AGAP1: variants seen among roughly 807,000 people sequenced by gnomAD.
The protein encoded by AGAP1 is arf-GAP with GTPase, ANK repeat and PH domain-containing protein 1.
Under a neutral mutation model 105.3 loss-of-function variants are expected in AGAP1, and 29 were observed. That is an observed-to-expected ratio of 0.28 (90% confidence interval 0.21 to 0.38). AGAP1 has a LOEUF of 0.38. Among genes scored for constraint, AGAP1 ranks in the 10% least tolerant of loss-of-function variants. The pLI is 1.00. For missense variants in AGAP1, 998 were observed against 1,165.1 expected, an observed-to-expected ratio of 0.86 and a Z score of 2.09; for synonymous variants, 509 against 485.9, an observed-to-expected ratio of 1.05 and a Z score of -0.63.
chr2:235,948,390 G>T (rs761897068), intron 12 of AGAP1, among the ~76,000 whole-genome samples: 1 of 152,136 alleles, frequency 6.6e-6, no homozygotes, highest in Non-Finnish European at 1.5e-5. Flanking sequence ...TCACCATCGT[G>T]CCCTGGCTGG....
Position 236,079,575 on chromosome 2 carries a change from T to C in AGAP1, c.2114+30294T>C, listed in dbSNP as rs549229052. On this transcript the variant is annotated intron_variant, in intron 16 of 17. Transcript: ENST00000304032. ...ATATACACACACACACACACATACA[T>C]ACACACACACATATACATATACATA... Among the ~76,000 whole-genome samples the C allele has an allele frequency of 8.0e-5, 12 of 150,208 alleles. 1 individual carries two copies. Among genetic ancestry groups the C allele is most frequent in the Admixed American group, 4.0e-4 (6 of 15,050 alleles).
intron 1 of AGAP1, among the ~76,000 whole-genome samples, chr2:235,584,193 CTTTTT>C (rs11447483): frequency 1.4e-5 from 2 of 139,984 alleles, no homozygotes; most frequent in Admixed American, 7.2e-5. Context: ...CAATAAACCA[CTTTTT>C]TTTTTTTTTT....
chr2:235,781,324 T>G (rs1956248965), intron 6 of AGAP1, among the ~76,000 whole-genome samples: 3 of 152,236 alleles, frequency 2.0e-5, no homozygotes, highest in Admixed American at 2.0e-4. Context: ...GACATTCATA[T>G]CCCTTGGATT....
Position 235,566,977 on chromosome 2 carries a change from C to T in AGAP1, c.163+72128C>T, listed in dbSNP as rs1944366972. On this transcript the variant is annotated intron_variant, in intron 1 of 17. Coordinates refer to ENST00000304032, the MANE Select transcript of AGAP1 (RefSeq NM_001037131.3). This position sits in a 1 kb window ranked among gnomAD's most constrained non-coding sequence, Gnocchi z 5.2. ...CAATCCTTGGTGTCCCATCCAGCTG[C>T]ATCACTCCAGTCTCTGCTTCTGTTA... Among the ~76,000 whole-genome samples, 1 of 152,226 alleles carries T rather than the reference C, an allele frequency of 6.6e-6. No individual in the cohort carries two copies. Among genetic ancestry groups the T allele is most frequent in the Non-Finnish European group, 1.5e-5 (1 of 68,044 alleles).
intron 12 of AGAP1, among the ~76,000 whole-genome samples, chr2:235,939,648 C>G (rs2053165770): frequency 6.6e-6 from 1 of 152,202 alleles, no homozygotes; most frequent in South Asian, 2.1e-4. Flanking sequence ...CCCTCCAACA[C>G]TGCTCTCATC....
chr2:235,618,352 C>T lies in AGAP1; in HGVS notation c.164-90827C>T, dbSNP rs896642158. Among the ~76,000 whole-genome samples the T allele has an allele frequency of 7.9e-5, 12 of 152,126 alleles. No homozygotes were observed. The South Asian group carries it at 1.0e-3, about 13-fold the overall frequency. ...GGTTTTCCTTGGCCTTCATCCTACT[C>T]TACAGAGTGAATGTGACTAGGTTCT... On this transcript the variant is annotated intron_variant, in intron 1 of 17. Transcript: ENST00000304032.
chr2:235,858,202 A>C (rs1298040639), intron 9 of AGAP1, among the ~76,000 whole-genome samples: 2 of 152,230 alleles, frequency 1.3e-5, no homozygotes, highest in Admixed American at 1.3e-4. Context: ...TAATTCAGTA[A>C]ATTTTTCTTT....
Position 235,970,484 on chromosome 2 carries a change from C to G in AGAP1, c.1645+1861C>G, listed in dbSNP as rs764213585. On this transcript the variant is annotated intron_variant, in intron 13 of 17. Transcript: ENST00000304032. The surrounding 1 kb of genome is among the most constrained non-coding windows in gnomAD (Gnocchi z 5.4). ...TCCCCCAGGGTGGGCAGCCTGTACC[C>G]TCCACGCCCCTAAGGTGCACACACA... Among the ~76,000 whole-genome samples the G allele has an allele frequency of 6.6e-6, 1 of 152,318 alleles. No homozygotes were observed. The highest frequency in any genetic ancestry group is 1.5e-5 in the Non-Finnish European group (1 of 68,034).
intron 9 of AGAP1, among the ~76,000 whole-genome samples, chr2:235,851,672 C>A (rs762052205): frequency 7.9e-5 from 12 of 152,164 alleles, no homozygotes; most frequent in Admixed American, 4.6e-4. Flanking sequence ...CCCGGAAATA[C>A]AAGTGCAAGT....
intron 1 of AGAP1, among the ~76,000 whole-genome samples, chr2:235,638,223 C>T (rs755048220): frequency 3.9e-5 from 6 of 152,150 alleles, no homozygotes; most frequent in Non-Finnish European, 7.3e-5. Context: ...ATACTCCTCC[C>T]ATCTGCCTGG....
chr2:235,597,533 C>T (rs965382814), intron 1 of AGAP1, among the ~76,000 whole-genome samples: 1 of 152,194 alleles, frequency 6.6e-6, no homozygotes, highest in Non-Finnish European at 1.5e-5. Context: ...AAATAACTGT[C>T]CAGACTGCTT....
chr2:235,577,398 C>T lies in AGAP1; in HGVS notation c.163+82549C>T, dbSNP rs1944769179. The stretch of plus-strand genomic sequence containing the variant: ...GGAGCTACTGTATTGGGCACCACGG[C>T]CTTAGGGTTTTGATTAAAACCCCAT... On this transcript the variant is annotated intron_variant, in intron 1 of 17. Transcript: ENST00000304032. This position sits in a 1 kb window ranked among gnomAD's most constrained non-coding sequence, Gnocchi z 4.5. Among the ~76,000 whole-genome samples, 1 of 152,160 alleles carries T rather than the reference C, an allele frequency of 6.6e-6. No homozygotes were observed. The highest frequency in any genetic ancestry group is 6.5e-5 in the Admixed American group (1 of 15,276).
At chr2:235,796,461 A>C (rs1210710424) in intron 6 of AGAP1, among the ~76,000 whole-genome samples, 1 of 152,038 alleles carries the variant, frequency 6.6e-6, no homozygotes. Flanking sequence ...TCAATACACT[A>C]CCGGAAGATA....
Position 235,970,647 on chromosome 2 carries a change from G to A in AGAP1, c.1645+2024G>A, listed in dbSNP as rs2054604488. 6.6e-6 allele frequency among the ~76,000 whole-genome samples: 1 copy of A among 152,204 alleles called. No homozygotes were observed. The highest frequency in any genetic ancestry group is 1.9e-4 in the East Asian group (1 of 5,204). On this transcript the variant is annotated intron_variant, in intron 13 of 17. Coordinates refer to ENST00000304032, the MANE Select transcript of AGAP1 (RefSeq NM_001037131.3). The surrounding 1 kb of genome is among the most constrained non-coding windows in gnomAD (Gnocchi z 5.4). ...CACAACCTGGTGGGAACTGACCGTTGCCACTTAGATACACGTTCATTATCC... is the reference window on the plus strand; with the variant it reads ...CACAACCTGGTGGGAACTGACCGTTACCACTTAGATACACGTTCATTATCC...
chr2:235,641,479 A>G (rs369024849), intron 1 of AGAP1, among the ~76,000 whole-genome samples: 2 of 151,290 alleles, frequency 1.3e-5, no homozygotes, highest in Non-Finnish European at 2.9e-5. Flanking sequence ...TTGCATTCCA[A>G]GGCAGCACTT....
Position 235,872,388 on chromosome 2 carries a change from T to A in AGAP1, c.1051-10957T>A, listed in dbSNP as rs186802481. Among the ~76,000 whole-genome samples, 87 of 152,296 alleles carry A rather than the reference T, an allele frequency of 5.7e-4. No homozygotes were observed. The highest frequency in any genetic ancestry group is 2.1e-3 in the African/African-American group (87 of 41,574). ...ATCTTAAGCAGAGATGGTTTTCACA[T>A]GTACAAAAGTGGCATCTGAAAGATG... On this transcript the variant is annotated intron_variant, in intron 9 of 17. Coordinates refer to ENST00000304032, the MANE Select transcript of AGAP1 (RefSeq NM_001037131.3). The surrounding 1 kb of genome is among the most constrained non-coding windows in gnomAD (Gnocchi z 4.5).
chr2:235,715,297 C>A (rs116985939), intron 2 of AGAP1, among the ~76,000 whole-genome samples: 1 of 152,148 alleles, frequency 6.6e-6, no homozygotes, highest in African/African-American at 2.4e-5. Context: ...TGTACAGATT[C>A]GGAGCTGGTG....
chr2:235,937,114 T>G (rs747703576), intron 12 of AGAP1, among the ~76,000 whole-genome samples: 1 of 152,182 alleles, frequency 6.6e-6, no homozygotes, highest in Non-Finnish European at 1.5e-5. Flanking sequence ...TGGCTGGCAT[T>G]CAAAAGCGTT....
At chr2:235,807,816 T>G (rs1559511912) in intron 9 of AGAP1, among the ~76,000 whole-genome samples, 1 of 152,200 alleles carries the variant, frequency 6.6e-6, no homozygotes, top group Non-Finnish European at 1.5e-5. Context: ...TGTGCGCTCT[T>G]GTTTGTAATT....
Sources: gnomAD v4.1 joint callset for allele counts (sites outside exome capture counted in the v4.1 genomes callset) on GRCh38, gnomAD v4.1.1 for gene constraint, Gnocchi (gnomAD v3.1) non-coding constraint, MANE v1.5 for transcripts, NCBI Gene and HGNC (gene_info 2026-07-23, HGNC 2026-07-21) for gene names.